UPP1: variants seen among roughly 807,000 people sequenced by gnomAD.
UPP1 encodes UPase 1.
In UPP1, 25 loss-of-function variants were observed where a neutral mutation model predicts 29.6. That is an observed-to-expected ratio of 0.85 (90% CI 0.62 to 1.18). The LOEUF (loss-of-function observed/expected upper bound fraction) is 1.18, where lower values mean the gene tolerates loss of function less well. UPP1 is among the 50% of genes most tolerant of loss of function. The pLI, the probability that UPP1 is intolerant of heterozygous loss-of-function variation, is 0.00. For synonymous variants in UPP1, 165 were observed against 159.8 expected, an observed-to-expected ratio of 1.03 and a Z score of -0.25; for missense variants, 368 against 410.4, an observed-to-expected ratio of 0.90 and a Z score of 0.89.
chr7:48,093,862 A>G (rs981224254), intron 2 of UPP1, among the ~76,000 whole-genome samples: 1 of 152,112 alleles, frequency 6.6e-6, no homozygotes, highest in Non-Finnish European at 1.5e-5. Context: ...CTGAGATTCT[A>G]GAAAAGTGAG....
At chr7:48,095,837 G>A (rs1313995707) in intron 3 of UPP1, among the ~76,000 whole-genome samples, 1 of 152,068 alleles carries the variant, frequency 6.6e-6, no homozygotes, top group Non-Finnish European at 1.5e-5. Context: ...AGTAGAGATG[G>A]GGTTTCACCA....
At chr7:48,092,638 C>T (rs1322407331) in intron 2 of UPP1, among the ~76,000 whole-genome samples, 5 of 151,416 alleles carry the variant, frequency 3.3e-5, no homozygotes, top group Admixed American at 6.6e-5. Flanking sequence ...TAATTTGAGG[C>T]GGCAGTGAGC....
chr7:48,107,379 G>C lies in UPP1; in HGVS notation c.665G>C (p.Gly222Ala). The change falls in exon 8 of 9, where the codon GGG (glycine) becomes GCG (alanine). Residue 222 changes from glycine (G) to alanine (A), a missense_variant. Coordinates refer to ENST00000395564, the MANE Select transcript of UPP1 (RefSeq NM_003364.4). Reference protein sequence around the residue: ...DFYEGQGRLDGALCSYTEKDK... With the variant: ...DFYEGQGRLDAALCSYTEKDK... ...GCCTCAGGGCAAGGCCGTCTGGATG[G>C]GGCTCTCTGCTCCTACACGGAGAAG... The C allele has an allele frequency of 6.2e-7, 1 of 1,613,436 alleles. No homozygotes were observed. Among genetic ancestry groups the C allele is most frequent in the Non-Finnish European group, 8.5e-7 (1 of 1,179,556 alleles).
rs752488780 is a variant in UPP1, at chr7:48,101,879, G to C, written c.218G>C (p.Gly73Ala). The change falls in exon 5 of 9, where the codon GGT becomes GCT. Residue 73 changes from glycine to alanine, a missense_variant. By Grantham distance (60) the Gly-to-Ala change is moderately conservative. Transcript: ENST00000395564. ...ATGAAAGCCTTCATCAGGTGCGTTGGTGCAGAGCTGGGCCTTGACTGCCCA... is the reference window on the plus strand; with the variant it reads ...ATGAAAGCCTTCATCAGGTGCGTTGCTGCAGAGCTGGGCCTTGACTGCCCA... Reference protein sequence around the residue: ...SRMKAFIRCVGAELGLDCPGR... With the variant: ...SRMKAFIRCVAAELGLDCPGR... The C allele has an allele frequency of 3.7e-6, 6 of 1,613,940 alleles. No individual in the cohort carries two copies. The highest frequency in any genetic ancestry group is 1.7e-5 in the Admixed American group (1 of 59,980).
At chr7:48,096,295 A>C (rs1792126175) in intron 3 of UPP1, among the ~76,000 whole-genome samples, 1 of 132,422 alleles carries the variant, frequency 7.6e-6, no homozygotes, top group Non-Finnish European at 1.7e-5. Flanking sequence ...ACAGCCTCTT[A>C]GGAAGGATGT....
In UPP1 at chr7:48,101,896, G is replaced by C. The variant is rs1562655028; in HGVS notation, c.235G>C (p.Asp79His). 1 of 1,614,058 alleles carries C rather than the reference G, an allele frequency of 6.2e-7. No homozygotes were observed. Among genetic ancestry groups the C allele is most frequent in the East Asian group, 2.2e-5 (1 of 44,880 alleles). The change falls in exon 5 of 9, where the codon GAC becomes CAC. Residue 79 changes from aspartate to histidine, a missense_variant. Physicochemically the swap from Asp to His is moderately conservative, Grantham distance 81 (BLOSUM62 -1). Transcript: ENST00000395564. ...GTGCGTTGGTGCAGAGCTGGGCCTT[G>C]ACTGCCCAGGTAGAGACTATCCCAA... Reference protein sequence around the residue: ...IRCVGAELGLDCPGRDYPNIC... With the variant: ...IRCVGAELGLHCPGRDYPNIC...
At position 48,103,367 on chromosome 7, in the gene UPP1, G is replaced by C; in HGVS notation, c.392G>C (p.Cys131Ser). The C allele has an allele frequency of 2.5e-6, 4 of 1,614,014 alleles. No homozygotes were observed. The highest frequency in any genetic ancestry group is 1.1e-5 in the South Asian group (1 of 91,086). ...ELIKLLYYAR[C>S]SNVTIIRIGT... ...ATAAAGCTGCTGTACTATGCCCGGT[G>C]CTCCAACGTCACTATCATCCGCATT... Residue 131 changes from cysteine to serine, a missense_variant, in exon 6 of 9, where the codon TGC (cysteine) becomes TCC (serine). By Grantham distance (112) the Cys-to-Ser change is moderately radical. Coordinates refer to ENST00000395564, the MANE Select transcript of UPP1 (RefSeq NM_003364.4).
At chr7:48,093,405 C>G (rs1168198669) in intron 2 of UPP1, among the ~76,000 whole-genome samples, 1 of 152,254 alleles carries the variant, frequency 6.6e-6, no homozygotes, top group Admixed American at 6.5e-5. Context: ...ACTTCACAGA[C>G]TCCTACTGAT....
chr7:48,104,496 T>G (rs1167646767), intron 6 of UPP1: 1 of 152,286 alleles, frequency 6.6e-6, no homozygotes, highest in Non-Finnish European at 1.5e-5. Context: ...GCTTTGCCGC[T>G]GCTGGCCAGG....
intron 3 of UPP1, among the ~76,000 whole-genome samples, chr7:48,096,244 T>C (rs750999380): frequency 1.3e-5 from 2 of 152,226 alleles, no homozygotes; most frequent in African/African-American, 4.8e-5. Context: ...GCTAATCATG[T>C]TCCACTTGCT....
chr7:48,101,026 C>T (rs1416926161), intron 4 of UPP1, among the ~76,000 whole-genome samples: 5 of 151,988 alleles, frequency 3.3e-5, no homozygotes, highest in Admixed American at 3.3e-4. Flanking sequence ...CTTGCCTCAG[C>T]CTCCTGAGTA....
chr7:48,102,579 A>T (rs972675442), intron 5 of UPP1, among the ~76,000 whole-genome samples: 2 of 152,194 alleles, frequency 1.3e-5, no homozygotes, highest in African/African-American at 4.8e-5. Flanking sequence ...ACTAGAACAT[A>T]TCAGGGAGCC....
chr7:48,093,125 A>C (rs1791935611), intron 2 of UPP1, among the ~76,000 whole-genome samples: 1 of 152,190 alleles, frequency 6.6e-6, no homozygotes, highest in Non-Finnish European at 1.5e-5. Context: ...TTTCCAAAGA[A>C]GTGTTGTGTA....
chr7:48,105,425 A>G (rs959907083), intron 6 of UPP1: 1 of 152,218 alleles, frequency 6.6e-6, no homozygotes, highest in Non-Finnish European at 1.5e-5. Context: ...ATGTTTTTTA[A>G]TGTTTCATGA....
At chr7:48,107,901 G>A (rs76261324) in intron 8 of UPP1, among the ~76,000 whole-genome samples, 3,909 of 152,240 alleles carry the variant, frequency 0.026, 181 homozygotes, top group African/African-American at 0.09. Flanking sequence ...TTATCACCTC[G>A]GCCAAAACGT....
intron 5 of UPP1, among the ~76,000 whole-genome samples, chr7:48,103,071 A>G (rs1403245875): frequency 6.6e-6 from 1 of 152,172 alleles, no homozygotes; most frequent in African/African-American, 2.4e-5. Flanking sequence ...GCTGTTACCT[A>G]TTTGACAAAT....
At chr7:48,090,753 C>T (rs1374655049) in intron 2 of UPP1, among the ~76,000 whole-genome samples, 1 of 152,186 alleles carries the variant, frequency 6.6e-6, no homozygotes, top group Admixed American at 6.5e-5. Context: ...CAAGCTTTCC[C>T]CATTTCTCAG....
chr7:48,098,799 AC>A (rs1330678414), intron 3 of UPP1, among the ~76,000 whole-genome samples: 2 of 152,290 alleles, frequency 1.3e-5, no homozygotes, highest in East Asian at 3.9e-4. Context: ...AAGGGAGCCC[AC>A]CCATCTCTAG....
intron 3 of UPP1, among the ~76,000 whole-genome samples, chr7:48,097,468 A>C (rs1029617066): frequency 6.6e-6 from 1 of 152,128 alleles, no homozygotes; most frequent in African/African-American, 2.4e-5. Flanking sequence ...TCCTGGGCTC[A>C]AGTGATCCAC....
Sources: allele counts gnomAD v4.1 joint callset (sites outside exome capture counted in the v4.1 genomes callset), GRCh38; gene constraint gnomAD v4.1.1; transcripts MANE v1.5; gene names NCBI Gene and HGNC (gene_info 2026-07-23, HGNC 2026-07-21).